The following MADD variants were observed in gnomAD, a reference collection of about 807,000 sequenced individuals.
MADD encodes the protein MAP kinase-activating death domain protein.
Under a neutral mutation model 176.7 loss-of-function variants are expected in MADD, and 109 were observed. The observed-to-expected ratio is 0.62, with a 90% CI of 0.53 to 0.72. The LOEUF is 0.72. MADD is among the 30% of genes least tolerant of loss of function. The pLI, the probability that MADD is intolerant of heterozygous loss-of-function variation, is 0.00. For missense variants in MADD, 1,914 were observed against 2,045.5 expected (o/e 0.94, Z 1.24); for synonymous variants, 771 against 771.3 (o/e 1.00, Z 0.01).
intron 31 of MADD, 147 bp from the exon 36 acceptor site, chr11:47,328,511 C>T: frequency 2.7e-6 from 4 of 1,506,300 alleles, no homozygotes; most frequent in Non-Finnish European, 3.5e-6. Context: ...GGCCTCTGCC[C>T]TGTCATAGCC....
intron 32 of MADD, 42 bp from the exon 37 acceptor site, chr11:47,329,004 G>A: frequency 6.9e-7 from 1 of 1,456,062 alleles, no homozygotes. Flanking sequence ...TGGAGATGGA[G>A]GAGTCTCAGT....
intron 10 of MADD, among the ~76,000 whole-genome samples, chr11:47,283,458 G>A (rs1201632698): frequency 6.6e-6 from 1 of 152,004 alleles, no homozygotes; most frequent in Admixed American, 6.6e-5. Context: ...CTGGAGTGCA[G>A]TGGTGCCGTC....
chr11:47,319,289 G>A (rs2093919532), intron 27 of MADD, among the ~76,000 whole-genome samples: 1 of 151,636 alleles, frequency 6.6e-6, no homozygotes, highest in East Asian at 1.9e-4. Flanking sequence ...GCATCACCAC[G>A]CTTGGCTAAT....
intron 1 of MADD, 23 bp from the exon 2 acceptor site, chr11:47,273,804 A>T: frequency 2.3e-6 from 2 of 872,820 alleles, no homozygotes; most frequent in Non-Finnish European, 3.8e-6. Flanking sequence ...AGTGGATCTT[A>T]TCAGTACTTT....
intron 31 of MADD, chr11:47,327,463 G>C: frequency 1.0e-6 from 1 of 985,356 alleles, no homozygotes. Flanking sequence ...ACCTCGGCTC[G>C]TGCTGCCTCT....
intron 31 of MADD, chr11:47,327,179 A>G (rs2095537391): frequency 9.8e-7 from 1 of 1,021,850 alleles, no homozygotes; most frequent in African/African-American, 1.7e-5. Flanking sequence ...CAATCTCTCT[A>G]GCAGCCCAGT....
rs11500476 is a variant in MADD, at chr11:47,303,817, A to T, written c.3643-4774A>T. Reference sequence around the variant, plus strand: ...GAGATAGGATTTCACCGTGTTGGTCAGGCTGGTCTCGAACTCCTGACTTCA... The same window carrying T: ...GAGATAGGATTTCACCGTGTTGGTCTGGCTGGTCTCGAACTCCTGACTTCA... On this transcript the variant is annotated intron_variant, in intron 22 of 32. Transcript: ENST00000402192. Among the ~76,000 whole-genome samples, 1,354 of 151,330 alleles carry T rather than the reference A, an allele frequency of 8.9e-3. 23 individuals are homozygous for T. Among genetic ancestry groups the T allele is most frequent in the African/African-American group, 0.031 (1,264 of 41,230 alleles).
intron 31 of MADD, 38 bp downstream of exon 35, chr11:47,326,845 T>C (rs768294830): frequency 1.2e-6 from 2 of 1,612,964 alleles, no homozygotes; most frequent in South Asian, 1.1e-5. Context: ...TGGACTCACA[T>C]GGCAGTAACT....
intron 15 of MADD, 89 bp downstream of exon 16, chr11:47,289,116 A>G: frequency 7.6e-7 from 1 of 1,322,670 alleles, no homozygotes; most frequent in Non-Finnish European, 1.0e-6. Context: ...TCATGGAGCA[A>G]GCAGCGTCAC....
At chr11:47,309,550 G>A (rs2086212978) in exon 25 of MADD, 1 of 1,614,198 alleles carries the variant, frequency 6.2e-7, no homozygotes, top group Non-Finnish European at 8.5e-7. Context: ...CCTGGAAGAT[G>A]ATGAAGATCG....
chr11:47,308,646 T>C, exon 23 of MADD: 1 of 1,614,026 alleles, frequency 6.2e-7, no homozygotes, highest in Non-Finnish European at 8.5e-7. Context: ...GGCAGCCCCA[T>C]TCGTACTTCT....
chr11:47,311,695 CAGATCCCTTGTTA>C, intron 25 of MADD, 24 bp from the exon 29 acceptor site: 1 of 1,267,108 alleles, frequency 7.9e-7, no homozygotes, highest in Non-Finnish European at 1.2e-6. Context: ...GGGAGGAGAG[CAGATCCCTTGTTA>C]AGAGTCATGT....
At chr11:47,282,125 G>A (rs1032457611) in intron 8 of MADD, among the ~76,000 whole-genome samples, 3 of 151,634 alleles carry the variant, frequency 2.0e-5, no homozygotes, top group Non-Finnish European at 2.9e-5. Context: ...GTGAGCCACC[G>A]CACCCAGCCC....
intron 27 of MADD, among the ~76,000 whole-genome samples, chr11:47,322,903 TCTC>T (rs748538115): frequency 4.5e-4 from 68 of 152,164 alleles, no homozygotes; most frequent in Non-Finnish European, 8.1e-4. Flanking sequence ...AGGCATGAGA[TCTC>T]CTCCAAATAC....
exon 8 of MADD, chr11:47,281,646 C>T: frequency 6.2e-7 from 1 of 1,613,462 alleles, no homozygotes; most frequent in Non-Finnish European, 8.5e-7. Flanking sequence ...GCCAGGAGAT[C>T]CCCCTTCTCT....
At chr11:47,310,634 G>A (rs539554068) in intron 25 of MADD, among the ~76,000 whole-genome samples, 23 of 151,826 alleles carry the variant, frequency 1.5e-4, no homozygotes, top group Admixed American at 8.5e-4. Context: ...GACCAGGCGC[G>A]GTGGCTCATG....
At chr11:47,310,676 C>T (rs1225992722) in intron 25 of MADD, among the ~76,000 whole-genome samples, 1 of 149,514 alleles carries the variant, frequency 6.7e-6, no homozygotes, top group Non-Finnish European at 1.5e-5. Context: ...GAGAACAGGG[C>T]GGGCAGATCA....
At chr11:47,289,903 C>T (rs1325653371) in exon 17 of MADD, 5 of 1,613,976 alleles carry the variant, frequency 3.1e-6, no homozygotes, top group Non-Finnish European at 4.2e-6. Context: ...TGGTGCACAG[C>T]GTGCTGGACG....
intron 27 of MADD, among the ~76,000 whole-genome samples, chr11:47,318,789 ATTTTTTTTTTTTTTTTTTT>A (rs57548484): frequency 1.6e-4 from 13 of 82,458 alleles, no homozygotes; most frequent in Middle Eastern, 6.3e-3. Context: ...CAGTTTGGGA[ATTTTTTTTTTTTTTTTTTT>A]TTTTTTTTTT....
Sources: allele counts gnomAD v4.1 joint callset (sites outside exome capture counted in the v4.1 genomes callset), GRCh38; gene constraint gnomAD v4.1.1; transcripts MANE v1.5; gene names NCBI Gene and HGNC (gene_info 2026-07-23, HGNC 2026-07-21).